Variants in SLC35F1 observed in about 807,000 individuals in gnomAD.
SLC35F1 encodes solute carrier family 35 member F1, also known as chromosome 6 open reading frame 169.
A neutral mutation model predicts 48.7 loss-of-function variants in SLC35F1; 14 were observed. The ratio of observed to expected loss-of-function variants is 0.29; its 90% CI spans 0.19 to 0.45. SLC35F1 has a LOEUF of 0.45. Ranked by LOEUF, SLC35F1 falls within the 20% of genes least tolerant of loss-of-function variation. The pLI, the probability that SLC35F1 is intolerant of heterozygous loss-of-function variation, is 1.00. For missense variants in SLC35F1, 404 were observed against 500.0 expected (o/e 0.81, Z 1.83); for synonymous variants, 190 against 202.2 (o/e 0.94, Z 0.51).
At chr6:118,044,070 C>G (rs549819421) in intron 1 of SLC35F1, among the ~76,000 whole-genome samples, 1 of 152,296 alleles carries the variant, frequency 6.6e-6, no homozygotes, top group East Asian at 1.9e-4. Context: ...AGGATGCAAC[C>G]TGCAGGTGCA....
chr6:118,057,127 A>G (rs969171128), intron 1 of SLC35F1, among the ~76,000 whole-genome samples: 5 of 152,298 alleles, frequency 3.3e-5, no homozygotes, highest in Middle Eastern at 3.4e-3. Flanking sequence ...TCCAGAGTCT[A>G]TGAGAAGGCT....
intron 3 of SLC35F1, among the ~76,000 whole-genome samples, chr6:118,257,788 A>G (rs564804964): frequency 6.5e-4 from 99 of 152,324 alleles, no homozygotes; most frequent in Middle Eastern, 3.4e-3. Flanking sequence ...GTTAAAAGCC[A>G]TAAGTTGAAG....
chr6:118,086,267 T>G (rs1428822015), intron 1 of SLC35F1, among the ~76,000 whole-genome samples: 2 of 152,236 alleles, frequency 1.3e-5, no homozygotes, highest in Non-Finnish European at 2.9e-5. Context: ...TTTTCTTTCT[T>G]CCTTTTGGTG....
At chr6:117,966,623 G>A (rs1325777202) in intron 1 of SLC35F1, among the ~76,000 whole-genome samples, 2 of 152,172 alleles carry the variant, frequency 1.3e-5, no homozygotes, top group African/African-American at 4.8e-5. Context: ...TGAAGTCAGC[G>A]AGACCAAGAA....
intron 2 of SLC35F1, among the ~76,000 whole-genome samples, chr6:118,213,705 A>G (rs1775037045): frequency 6.6e-6 from 1 of 152,254 alleles, no homozygotes; most frequent in African/African-American, 2.4e-5. Context: ...TCCAAGTTGC[A>G]AAATTATATA....
At chr6:118,206,318 T>C (rs1219071253) in intron 2 of SLC35F1, among the ~76,000 whole-genome samples, 1 of 152,224 alleles carries the variant, frequency 6.6e-6, no homozygotes, top group Non-Finnish European at 1.5e-5. Flanking sequence ...GTTAACATGC[T>C]ATCTTTAGAA....
intron 1 of SLC35F1, among the ~76,000 whole-genome samples, chr6:118,123,340 A>T (rs1773579462): frequency 6.6e-6 from 1 of 152,144 alleles, no homozygotes; most frequent in African/African-American, 2.4e-5. Flanking sequence ...TCCAGTACTT[A>T]ACTATTGTTG....
At chr6:118,178,271 C>A (rs924348040) in intron 2 of SLC35F1, among the ~76,000 whole-genome samples, 6 of 152,058 alleles carry the variant, frequency 3.9e-5, no homozygotes, top group Admixed American at 2.0e-4. Context: ...GCCTCACTTT[C>A]TCCTCCACAC....
intron 1 of SLC35F1, among the ~76,000 whole-genome samples, chr6:118,046,738 C>A (rs1048731602): frequency 6.6e-6 from 1 of 152,052 alleles, no homozygotes; most frequent in Non-Finnish European, 1.5e-5. Context: ...TTCATCTTTA[C>A]AAAAACCCAG....
At chr6:118,008,270 C>T (rs968477472) in intron 1 of SLC35F1, among the ~76,000 whole-genome samples, 1 of 39,878 alleles carries the variant, frequency 2.5e-5, no homozygotes, top group Non-Finnish European at 4.6e-5. Context: ...AAGTAGTACA[C>T]AGCAAAAAAG....
intron 2 of SLC35F1, among the ~76,000 whole-genome samples, chr6:118,189,645 CAAATT>C (rs1305332773): frequency 6.6e-6 from 1 of 152,084 alleles, no homozygotes; most frequent in Non-Finnish European, 1.5e-5. Context: ...AAATTTTAGA[CAAATT>C]AAATGTAACA....
At chr6:118,024,897 T>G (rs1777442873) in intron 1 of SLC35F1, among the ~76,000 whole-genome samples, 1 of 151,764 alleles carries the variant, frequency 6.6e-6, no homozygotes, top group African/African-American at 2.4e-5. Flanking sequence ...GTTTTATGCT[T>G]CATGATAACT....
At chr6:117,908,058 A>G (rs893992963) in intron 1 of SLC35F1, among the ~76,000 whole-genome samples, 159 bp downstream of exon 1, 1 of 152,116 alleles carries the variant, frequency 6.6e-6, no homozygotes, top group African/African-American at 2.4e-5. Flanking sequence ...GCGGGCGCAG[A>G]GAGGCCGCGG....
chr6:118,078,812 G>C (rs545673824), intron 1 of SLC35F1, among the ~76,000 whole-genome samples: 17 of 152,220 alleles, frequency 1.1e-4, no homozygotes, highest in African/African-American at 4.1e-4. Flanking sequence ...ATGTTCCTCT[G>C]TTCCTGGTGC....
intron 1 of SLC35F1, among the ~76,000 whole-genome samples, chr6:118,032,600 T>A (rs1021981612): frequency 6.6e-6 from 1 of 152,208 alleles, no homozygotes; most frequent in African/African-American, 2.4e-5. Context: ...ATACACAATA[T>A]GCTGTTTCTC....
At chr6:118,110,853 T>C (rs1022093643) in intron 1 of SLC35F1, among the ~76,000 whole-genome samples, 1 of 151,936 alleles carries the variant, frequency 6.6e-6, no homozygotes, top group Non-Finnish European at 1.5e-5. Context: ...TAAGCCTGAA[T>C]TGGGTATTTC....
intron 1 of SLC35F1, among the ~76,000 whole-genome samples, chr6:118,046,148 T>C (rs1331865776): frequency 6.6e-6 from 1 of 152,210 alleles, no homozygotes; most frequent in African/African-American, 2.4e-5. Flanking sequence ...GAACTGGCTT[T>C]GTAGGCAAAG....
chr6:118,019,385 G>T (rs185268982), intron 1 of SLC35F1, among the ~76,000 whole-genome samples: 101 of 152,130 alleles, frequency 6.6e-4, no homozygotes, highest in African/African-American at 2.3e-3. Flanking sequence ...ATTGATATAC[G>T]CTGAGGTGGG....
chr6:118,183,382 G>A (rs1247888005), intron 2 of SLC35F1, among the ~76,000 whole-genome samples: 4 of 152,012 alleles, frequency 2.6e-5, no homozygotes, highest in African/African-American at 9.7e-5. Context: ...GCGTGGAAGA[G>A]AAAGAAATAA....
Sources: gnomAD v4.1 joint callset for allele counts (sites outside exome capture counted in the v4.1 genomes callset) on GRCh38, gnomAD v4.1.1 for gene constraint, MANE v1.5 for transcripts, NCBI Gene and HGNC (gene_info 2026-07-23, HGNC 2026-07-21) for gene names.